OTOGL: variants seen among roughly 807,000 people sequenced by gnomAD.
The protein encoded by OTOGL is otogelin like.
OTOGL carries 285 observed loss-of-function variants against 318.5 expected under a neutral mutation model. The observed-to-expected ratio is 0.89, with a 90% confidence interval of 0.81 to 0.99. The LOEUF (loss-of-function observed/expected upper bound fraction) is 0.99, where lower values mean the gene tolerates loss of function less well. Among genes scored for constraint, OTOGL ranks in the 50% least tolerant of loss-of-function variants. OTOGL has a pLI of 0.00. For synonymous variants in OTOGL, 987 were observed against 936.5 expected (o/e 1.05, Z -0.99); for missense variants, 2,899 against 2,845.6 (o/e 1.02, Z -0.43).
chr12:80,342,001 A>G lies in OTOGL; in HGVS notation c.5104A>G (p.Ile1702Val), dbSNP rs780432654. 1.9e-6 allele frequency: 3 copies of G among 1,609,280 alleles called. No homozygotes were observed. The highest frequency in any genetic ancestry group is 1.7e-5 in the Admixed American group (1 of 59,638). Residue 1702 changes from isoleucine (I) to valine (V), a missense_variant, in exon 44 of 59, where the codon ATT (isoleucine) becomes GTT (valine). This residue lies in a region of OTOGL where 2,607 missense variants were observed against 2,524.9 expected (regional missense o/e 1.03). Transcript: ENST00000547103. ...DDLRMQNGTI[I>V]TNMEDIGLFI... ...TCTAAGGATGCAAAATGGCACAATT[A>G]TTACAAATATGGAAGACATAGGATT...
Position 80,336,785 on chromosome 12 carries a change from T to C in OTOGL, c.4744-12T>C, listed in dbSNP as rs531623469. 4.1e-5 allele frequency: 62 copies of C among 1,512,542 alleles called. No homozygotes were observed. The East Asian group carries it at 1.4e-3, about 35-fold the overall frequency. 93.7% of individuals were successfully genotyped at this position (1,512,542 alleles called of 1,614,324 possible). ...ATAATGCATTTAAAAGTATTTCTTT[T>C]TTTTTTTCCAGAATGGAAACTCCTT... On this transcript the variant is annotated splice_polypyrimidine_tract_variant and intron_variant, in intron 40 of 58. Transcript: ENST00000547103.
Position 80,380,043 on chromosome 12 carries a change from C to G in OTOGL, c.*1995C>G, listed in dbSNP as rs1369269588. 4 of 151,924 alleles carry G rather than the reference C, an allele frequency of 2.6e-5. No homozygotes were observed. Among genetic ancestry groups the G allele is most frequent in the Non-Finnish European group, 4.4e-5 (3 of 67,910 alleles). 9.4% of individuals were successfully genotyped at this position (151,924 alleles called of 1,614,324 possible). A position where few individuals can be genotyped will look rare whatever the true frequency, so the allele number is the denominator to read the frequency against. On this transcript the variant is annotated 3_prime_UTR_variant, in exon 59 of 59. Coordinates refer to ENST00000547103, the MANE Select transcript of OTOGL (RefSeq NM_001378609.3). ...AAATCAGTGGAAGAGTGCAAATTAGCTCTTAATAAATGGTGTTGGGACAAC... is the reference window on the plus strand; with the variant it reads ...AAATCAGTGGAAGAGTGCAAATTAGGTCTTAATAAATGGTGTTGGGACAAC...
At chr12:80,101,242 T>C (rs1282497471) in intron 1 of OTOGL, among the ~76,000 whole-genome samples, 1 of 152,228 alleles carries the variant, frequency 6.6e-6, no homozygotes, top group African/African-American at 2.4e-5. Flanking sequence ...AGAGTTCAAA[T>C]ACAATGGTGT....
At chr12:80,218,300 A>G (rs967118667) in intron 5 of OTOGL, among the ~76,000 whole-genome samples, 4 of 152,220 alleles carry the variant, frequency 2.6e-5, no homozygotes, top group Admixed American at 2.6e-4. Flanking sequence ...TTTATGGACT[A>G]AGTTAAAACA....
chr12:80,146,338 C>T (rs1471882724), intron 1 of OTOGL, among the ~76,000 whole-genome samples: 1 of 147,514 alleles, frequency 6.8e-6, no homozygotes, highest in Admixed American at 6.6e-5. Context: ...GTCTTTGGCT[C>T]GGTTTATATG....
chr12:80,279,111 C>A lies in OTOGL; in HGVS notation c.2873C>A (p.Ser958Tyr). 6 of 1,593,386 alleles carry A rather than the reference C, an allele frequency of 3.8e-6. No individual in the cohort carries two copies. The highest frequency in any genetic ancestry group is 5.1e-6 in the Non-Finnish European group (6 of 1,175,454). Reference protein sequence around the residue: ...CTIYGDRHYYSFDGLEYDYIS... With the variant: ...CTIYGDRHYYYFDGLEYDYIS... ...ATATACGGGGACCGACATTATTATT[C>A]TTTTGATGGACTAGAATATGACTAT... is the stretch of plus-strand genomic sequence containing the variant. Residue 958 changes from serine (S) to tyrosine (Y), a missense_variant, in exon 26 of 59, where the codon TCT becomes TAT. By Grantham distance (144) the Ser-to-Tyr change is moderately radical. This residue lies in a region of OTOGL where 2,607 missense variants were observed against 2,524.9 expected (regional missense o/e 1.03). Coordinates refer to ENST00000547103, the MANE Select transcript of OTOGL (RefSeq NM_001378609.3).
chr12:80,217,784 A>G (rs994321094), intron 5 of OTOGL, 120 bp downstream of exon 5: 9 of 624,656 alleles, frequency 1.4e-5, no homozygotes, highest in Non-Finnish European at 2.4e-5. Context: ...CCAGGATGGT[A>G]GTAATACTTA....
At chr12:80,261,883 A>T in intron 18 of OTOGL, 86 bp from the exon 19 acceptor site, 2 of 1,433,252 alleles carry the variant, frequency 1.4e-6, no homozygotes, top group Non-Finnish European at 1.9e-6. Context: ...CATTATGAAA[A>T]ATAGTATTCT....
chr12:80,261,937 A>T (rs1341121584), intron 18 of OTOGL, 32 bp from the exon 19 acceptor site: 1 of 1,603,346 alleles, frequency 6.2e-7, no homozygotes, highest in South Asian at 1.1e-5. Context: ...AATGAGAGAT[A>T]CATGAAGATG....
chr12:80,290,459 A>G (rs1181603940), intron 26 of OTOGL, among the ~76,000 whole-genome samples: 2 of 151,784 alleles, frequency 1.3e-5, no homozygotes, highest in Non-Finnish European at 2.9e-5. Context: ...TTCTTTAACA[A>G]CCTGATTTTA....
chr12:80,189,364 T>G (rs1447870473), intron 1 of OTOGL: 1 of 899,300 alleles, frequency 1.1e-6, no homozygotes, highest in Admixed American at 6.2e-5. Context: ...CAAGCATGCC[T>G]CTGAGTAAAA....
intron 1 of OTOGL, among the ~76,000 whole-genome samples, chr12:80,160,984 A>C (rs749218269): frequency 9.2e-5 from 14 of 152,234 alleles, no homozygotes; most frequent in Admixed American, 2.0e-4. Flanking sequence ...CTCAGGAATG[A>C]AAAACCAAAC....
In OTOGL at chr12:80,345,226, AT is replaced by A. The variant is rs1185411378; in HGVS notation, c.5265+3066del. 6.0e-4 allele frequency among the ~76,000 whole-genome samples: 82 copies of A among 137,504 alleles called. 1 individual carries two copies. Among genetic ancestry groups the A allele is most frequent in the Admixed American group, 1.8e-3 (23 of 12,858 alleles). The allele number at this position is 137,504 out of a possible 152,430, so 90.2% of individuals were successfully genotyped here. A position where few individuals can be genotyped will look rare whatever the true frequency, so the allele number is the denominator to read the frequency against. On this transcript the variant is annotated intron_variant, in intron 44 of 58. Transcript: ENST00000547103. Reference sequence around the variant, plus strand: ...TATATTATGTATAAAATATATATATATTATATATATATATTTTTTTGAAGAG... The same window carrying A: ...TATATTATGTATAAAATATATATATATATATATATATATTTTTTTGAAGAG...
chr12:80,238,845 A>T lies in OTOGL; in HGVS notation c.818-6A>T. On this transcript the variant is annotated splice_polypyrimidine_tract_variant and splice_region_variant and intron_variant, in intron 9 of 58. Transcript: ENST00000547103. ...GTGTGTGTGTGTGTGTGCCTGTGTG[A>T]AATAGAGGACTATACAGAAGACATC... 1 of 1,529,128 alleles carries T rather than the reference A, an allele frequency of 6.5e-7. No individual in the cohort carries two copies. Among genetic ancestry groups the T allele is most frequent in the South Asian group, 1.2e-5 (1 of 82,206 alleles). 94.7% of individuals were successfully genotyped at this position (1,529,128 alleles called of 1,614,324 possible). A position where few individuals can be genotyped will look rare whatever the true frequency, so the allele number is the denominator to read the frequency against.
At chr12:80,241,280 A>G (rs766838113) in intron 11 of OTOGL, among the ~76,000 whole-genome samples, 5 of 152,166 alleles carry the variant, frequency 3.3e-5, no homozygotes, top group Non-Finnish European at 7.4e-5. Context: ...GTGCAGTTAT[A>G]CCTAGATTTA....
intron 28 of OTOGL, among the ~76,000 whole-genome samples, chr12:80,304,528 A>T (rs1033400629): frequency 3.3e-5 from 5 of 152,290 alleles, no homozygotes; most frequent in African/African-American, 1.2e-4. Context: ...ATACATTTTT[A>T]AAAAAGATTT....
At chr12:80,109,576 G>T (rs1255208502) in intron 1 of OTOGL, among the ~76,000 whole-genome samples, 3 of 152,092 alleles carry the variant, frequency 2.0e-5, no homozygotes, top group East Asian at 1.9e-4. Flanking sequence ...CATTATTTAG[G>T]GGGGACACAG....
At chr12:80,178,207 C>T (rs1410285499) in intron 1 of OTOGL, among the ~76,000 whole-genome samples, 5 of 151,266 alleles carry the variant, frequency 3.3e-5, no homozygotes, top group African/African-American at 9.7e-5. Context: ...ATTACAGACA[C>T]CTACCACCAT....
intron 57 of OTOGL, among the ~76,000 whole-genome samples, chr12:80,374,589 C>T (rs1282333562): frequency 1.3e-5 from 2 of 151,988 alleles, no homozygotes; most frequent in Non-Finnish European, 2.9e-5. Context: ...GTCATTGTAT[C>T]AGGGGCTCAA....
Sources: gnomAD v4.1 joint callset for allele counts (sites outside exome capture counted in the v4.1 genomes callset) on GRCh38, gnomAD v4.1.1 for gene constraint, gnomAD v4.1.1 regional missense constraint, MANE v1.5 for transcripts, NCBI Gene and HGNC (gene_info 2026-07-23, HGNC 2026-07-21) for gene names.